AASS: variants seen among roughly 807,000 people sequenced by gnomAD.
AASS encodes the protein alpha-aminoadipic semialdehyde synthase, mitochondrial.
Under a neutral mutation model 105.4 loss-of-function variants are expected in AASS, and 86 were observed. That is an observed-to-expected ratio of 0.82 (90% CI 0.69 to 0.98). AASS has a LOEUF of 0.98. AASS is among the 50% of genes least tolerant of loss of function. The pLI is 0.00. For missense variants in AASS, 1,048 were observed against 1,143.2 expected, an observed-to-expected ratio of 0.92 and a Z score of 1.20; for synonymous variants, 381 against 394.8, an observed-to-expected ratio of 0.96 and a Z score of 0.41.
chr7:122,092,555 T>C (rs1475203228), intron 17 of AASS, among the ~76,000 whole-genome samples: 1 of 151,936 alleles, frequency 6.6e-6, no homozygotes, highest in Admixed American at 6.6e-5. Context: ...AGAAACCCCA[T>C]CTCTACTAAA....
intron 6 of AASS, 31 bp from the exon 7 acceptor site, chr7:122,116,988 AATC>A: frequency 6.3e-7 from 1 of 1,583,898 alleles, no homozygotes. Context: ...AAAATCCAAA[AATC>A]AATAGAAAAA....
At chr7:122,098,613 T>C in intron 14 of AASS, 37 bp from the exon 15 acceptor site, 1 of 1,595,594 alleles carries the variant, frequency 6.3e-7, no homozygotes, top group Non-Finnish European at 8.6e-7. Context: ...TTTAGATATG[T>C]CAGAGTAAAA....
chr7:122,126,245 A>C (rs1795650796), intron 4 of AASS, 130 bp downstream of exon 4: 2 of 818,786 alleles, frequency 2.4e-6, no homozygotes, highest in Non-Finnish European at 2.2e-6. Flanking sequence ...ATCATCCTTC[A>C]GCATACCTTC....
At chr7:122,116,544 A>C in intron 8 of AASS, 89 bp downstream of exon 8, 6 of 1,505,310 alleles carry the variant, frequency 4.0e-6, no homozygotes, top group Non-Finnish European at 5.5e-6. Flanking sequence ...ACTGAAAGCC[A>C]TTGTACAATT....
rs546703573 is a variant in AASS, at chr7:122,101,557, A to G, written c.1338+64T>C. 4.7e-6 allele frequency: 7 copies of G among 1,503,828 alleles called. No homozygotes were observed. The African/African-American group carries it at 6.9e-5, about 15-fold the overall frequency. The allele number at this position is 1,503,828 out of a possible 1,614,324, so 93.2% of individuals were successfully genotyped here. A position where few individuals can be genotyped will look rare whatever the true frequency, so the allele number is the denominator to read the frequency against. On this transcript the variant is annotated intron_variant, in intron 12 of 23. Coordinates refer to ENST00000417368, the MANE Select transcript of AASS (RefSeq NM_005763.4). ...AAGATGGAGAGAGAGAGAAACAGAG[A>G]GAAGAGAGCAAAAATGGTAGTAAAA...
chr7:122,107,624 T>C (rs1242583842), intron 11 of AASS, among the ~76,000 whole-genome samples: 3 of 152,082 alleles, frequency 2.0e-5, no homozygotes, highest in Non-Finnish European at 4.4e-5. Flanking sequence ...TAGAAGCCAT[T>C]ATCCTTAGCA....
intron 1 of AASS, among the ~76,000 whole-genome samples, chr7:122,140,848 A>G (rs1277581588): frequency 6.6e-6 from 1 of 151,794 alleles, no homozygotes; most frequent in Non-Finnish European, 1.5e-5. Flanking sequence ...GAACAGCGCT[A>G]ATTATTTATA....
Position 122,076,542 on chromosome 7 carries a change from G to A in AASS, c.2728C>T (p.Arg910Ter), listed in dbSNP as rs1463650183. 4 of 1,613,600 alleles carry A rather than the reference G, an allele frequency of 2.5e-6. No homozygotes were observed. The highest frequency in any genetic ancestry group is 3.4e-6 in the Non-Finnish European group (4 of 1,179,742). ...TATATAATGCCTTCTGCTTTAATTC[G>A]CTCCAATATTGGTCCATAGATCTCC... The part of the protein sequence containing the change: ...SKEIYGPILE[R>*]IKAEGIIYTT... The change falls in exon 24 of 24, where the codon CGA (arginine) becomes TGA (stop). Residue 910 changes from arginine (R) to a stop codon, truncating the protein, a stop_gained. Transcript: ENST00000417368. LOFTEE classifies it high-confidence loss of function.
At chr7:122,088,266 G>A (rs1395729851) in intron 18 of AASS, among the ~76,000 whole-genome samples, 2 of 151,992 alleles carry the variant, frequency 1.3e-5, no homozygotes, top group East Asian at 3.9e-4. Flanking sequence ...TGTTATATTT[G>A]AATAAATATA....
At chr7:122,079,757 T>C (rs923453701) in intron 20 of AASS, 45 bp from the exon 21 acceptor site, 1 of 1,384,522 alleles carries the variant, frequency 7.2e-7, no homozygotes. Context: ...CCTAACAAAT[T>C]TTTTTTTAAT....
At chr7:122,093,530 C>T (rs966776457) in intron 15 of AASS, among the ~76,000 whole-genome samples, 1 of 152,122 alleles carries the variant, frequency 6.6e-6, no homozygotes, top group East Asian at 1.9e-4. Flanking sequence ...GGGATTGGGG[C>T]CAGGTGCTGT....
chr7:122,081,706 T>C (rs1050372096), intron 19 of AASS, 111 bp from the exon 20 acceptor site: 4 of 763,324 alleles, frequency 5.2e-6, no homozygotes, highest in South Asian at 4.8e-5. Flanking sequence ...GAAAACTGTT[T>C]ATATTGATGA....
intron 4 of AASS, among the ~76,000 whole-genome samples, chr7:122,121,818 T>G (rs1795452791): frequency 6.6e-6 from 1 of 152,188 alleles, no homozygotes; most frequent in African/African-American, 2.4e-5. Flanking sequence ...TTTTAAATAC[T>G]TCTATGTCAG....
chr7:122,100,185 G>A (rs1206562841), intron 13 of AASS, among the ~76,000 whole-genome samples: 1 of 151,886 alleles, frequency 6.6e-6, no homozygotes, highest in Non-Finnish European at 1.5e-5. Context: ...AGGGCAGCAA[G>A]TTCTAGCAAT....
chr7:122,083,666 A>C (rs1461323058), intron 19 of AASS, among the ~76,000 whole-genome samples: 1 of 152,130 alleles, frequency 6.6e-6, no homozygotes, highest in Non-Finnish European at 1.5e-5. Context: ...AGGAAAACAT[A>C]GCTGTGGGAG....
chr7:122,118,215 A>G, intron 6 of AASS, 92 bp downstream of exon 6: 1 of 1,455,490 alleles, frequency 6.9e-7, no homozygotes, highest in Non-Finnish European at 9.5e-7. Context: ...TCTCCAGTCC[A>G]TTTGAAATAC....
chr7:122,122,025 A>T (rs1157992884), intron 4 of AASS, among the ~76,000 whole-genome samples: 1 of 152,212 alleles, frequency 6.6e-6, no homozygotes, highest in Non-Finnish European at 1.5e-5. Context: ...GTTTCTGATT[A>T]GAAGTTTGAT....
At chr7:122,133,153 C>G (rs1875409) in intron 2 of AASS, among the ~76,000 whole-genome samples, 22,542 of 151,924 alleles carry the variant, frequency 0.15, 1,898 homozygotes, top group South Asian at 0.28. Flanking sequence ...AGGAATGAGT[C>G]AAACCTATAC....
intron 9 of AASS, among the ~76,000 whole-genome samples, chr7:122,114,792 A>G (rs1051527903): frequency 6.6e-6 from 1 of 152,168 alleles, no homozygotes; most frequent in African/African-American, 2.4e-5. Context: ...CTATAATCCC[A>G]GTACCTTGGG....
Sources: allele counts gnomAD v4.1 joint callset (sites outside exome capture counted in the v4.1 genomes callset), GRCh38; gene constraint gnomAD v4.1.1; transcripts MANE v1.5; gene names NCBI Gene and HGNC (gene_info 2026-07-23, HGNC 2026-07-21).